The following RAI1 variants were observed in gnomAD, a reference collection of about 807,000 sequenced individuals.
The protein encoded by RAI1 is retinoic acid-induced protein 1.
Under a neutral mutation model 123.8 loss-of-function variants are expected in RAI1, and 9 were observed. That is an observed-to-expected ratio of 0.07 (90% CI 0.04 to 0.13). The LOEUF (loss-of-function observed/expected upper bound fraction) is 0.13. Ranked by LOEUF, RAI1 falls within the 10% of genes least tolerant of loss-of-function variation. The pLI is 1.00. For missense variants in RAI1, 2,256 were observed against 2,545.8 expected, an observed-to-expected ratio of 0.89 and a Z score of 2.45; for synonymous variants, 1,231 against 1,127.3, an observed-to-expected ratio of 1.09 and a Z score of -1.84.
In RAI1 at chr17:17,795,568, C is replaced by T. The variant is rs781136407; in HGVS notation, c.2620C>T (p.Leu874=). Residue 874 remains leucine (L), a synonymous_variant, in exon 3 of 6, where the codon CTA becomes TTA. Coordinates refer to ENST00000353383, the MANE Select transcript of RAI1 (RefSeq NM_030665.4). The surrounding 1 kb of genome is among the most constrained non-coding windows in gnomAD (Gnocchi z 5.9). ...GGAAGCTGAGGAGGAGTACTCCTCC[C>T]TATGTGAGCTCCTGGGCAGCCCCGA... is the stretch of plus-strand genomic sequence containing the variant. The part of the protein sequence containing the change: ...DLEAEEEYSS[L]CELLGSPEQR... 2.5e-6 allele frequency: 4 copies of T among 1,610,660 alleles called. No homozygotes were observed. The South Asian group carries it at 3.3e-5, about 13-fold the overall frequency.
Position 17,794,635 on chromosome 17 carries a change from G to A in RAI1, c.1687G>A (p.Asp563Asn), listed in dbSNP as rs376439421. The A allele has an allele frequency of 7.4e-6, 12 of 1,612,938 alleles. No homozygotes were observed. The highest frequency in any genetic ancestry group is 5.0e-5 in the Admixed American group (3 of 60,002). The change falls in exon 3 of 6, where the codon GAC (aspartate) becomes AAC (asparagine). Residue 563 changes from aspartate (D) to asparagine (N), a missense_variant. Asp to Asn is a conservative substitution (Grantham distance 23). Transcript: ENST00000353383. ...CACCTGTTCTGTGACCTCTCCTGAC[G>A]ACATGTCCACCAAATCTGACGACTC... is the stretch of plus-strand genomic sequence containing the variant. ...VSTCSVTSPDDMSTKSDDSFQ... is the reference protein window; with the variant it reads ...VSTCSVTSPDNMSTKSDDSFQ...
chr17:17,717,655 C>G lies in RAI1; in HGVS notation c.-148-6373C>G, dbSNP rs571183626. Among the ~76,000 whole-genome samples the G allele has an allele frequency of 6.6e-5, 10 of 152,334 alleles. No individual in the cohort carries two copies. In the East Asian group the frequency reaches 1.9e-3, roughly 29 times the overall value. On this transcript the variant is annotated intron_variant, in intron 1 of 5. Transcript: ENST00000353383. ...CAGCTGCCCTGTCCTCTCTTTCCCC[C>G]AGCCAGCCTCCTGCCCCCCACCTGG...
chr17:17,702,172 G>GA (rs981747974), intron 1 of RAI1, among the ~76,000 whole-genome samples: 8 of 152,196 alleles, frequency 5.3e-5, no homozygotes, highest in African/African-American at 1.7e-4. Context: ...CATGAGGGGA[G>GA]AGGGAGTAAG....
At chr17:17,700,479 C>T (rs1445264561) in intron 1 of RAI1, among the ~76,000 whole-genome samples, 5 of 152,060 alleles carry the variant, frequency 3.3e-5, no homozygotes, top group African/African-American at 1.2e-4. Flanking sequence ...TCTTCTCGTT[C>T]TTATGCTAAT....
chr17:17,682,128 C>G (rs1914444043), intron 1 of RAI1, among the ~76,000 whole-genome samples: 1 of 141,790 alleles, frequency 7.1e-6, no homozygotes, highest in South Asian at 2.2e-4. Context: ...TGCGCCGAGG[C>G]GCGGAGTCTT....
At chr17:17,755,468 G>T (rs1368344306) in intron 2 of RAI1, among the ~76,000 whole-genome samples, 1 of 152,160 alleles carries the variant, frequency 6.6e-6, no homozygotes, top group Admixed American at 6.5e-5. Context: ...TCACCAACTT[G>T]CCCCAGCTGG....
chr17:17,737,208 A>AGGAGTT (rs1252686132), intron 2 of RAI1, among the ~76,000 whole-genome samples: 4 of 152,302 alleles, frequency 2.6e-5, no homozygotes, highest in African/African-American at 9.6e-5. Flanking sequence ...TTTCTAGGGA[A>AGGAGTT]GGAGTTTTCT....
chr17:17,753,888 T>G (rs538014030), intron 2 of RAI1, among the ~76,000 whole-genome samples: 1 of 152,348 alleles, frequency 6.6e-6, no homozygotes, highest in South Asian at 2.1e-4. Flanking sequence ...CTTTGGGATT[T>G]GGAAAAAAGT....
Position 17,793,411 on chromosome 17 carries a change from AG to A in RAI1, c.465del (p.Arg155SerfsTer97), listed in dbSNP as rs2032097895. The A allele has an allele frequency of 6.2e-7, 1 of 1,613,232 alleles. No homozygotes were observed. The highest frequency in any genetic ancestry group is 1.3e-5 in the African/African-American group (1 of 74,900). ...GAAAAAGACAGCAGTGCCCCCCAGC[AG>A]GCAGTATGCAGAGCAGGGCGCCCAG... ...LMKKTAVPPS[R>X]QYAEQGAQVP... On this transcript the variant is annotated frameshift_variant, in exon 3 of 6. Coordinates refer to ENST00000353383, the MANE Select transcript of RAI1 (RefSeq NM_030665.4). LOFTEE classifies it high-confidence loss of function.
At chr17:17,715,581 TCCTCTG>T (rs1389612118) in intron 1 of RAI1, among the ~76,000 whole-genome samples, 3 of 152,124 alleles carry the variant, frequency 2.0e-5, no homozygotes, top group African/African-American at 4.8e-5. Context: ...TTGGCGTCTT[TCCTCTG>T]CCTCTGCCTC....
rs557641453 is a variant in RAI1 at position 17,729,857 on chromosome 17, A to G, written c.-17+5698A>G. On this transcript the variant is annotated intron_variant, in intron 2 of 5. Transcript: ENST00000353383. ...TCTCAGCATGAGCCTCTAGGGGGCA[A>G]AGATGCTCACTGGACCCACCTGAGG... is the stretch of plus-strand genomic sequence containing the variant. Among the ~76,000 whole-genome samples, 40 of 152,332 alleles carry G rather than the reference A, an allele frequency of 2.6e-4. 1 individual carries two copies. In the Middle Eastern group the frequency reaches 0.017, roughly 65 times the overall value.
At chr17:17,786,418 G>A (rs1487825825) in intron 2 of RAI1, among the ~76,000 whole-genome samples, 1 of 152,196 alleles carries the variant, frequency 6.6e-6, no homozygotes, top group East Asian at 1.9e-4. Context: ...TGCTCTCATG[G>A]AACTTTTGTT....
Position 17,714,081 on chromosome 17 carries a change from C to T in RAI1, c.-148-9947C>T, listed in dbSNP as rs1347969284. Among the ~76,000 whole-genome samples the T allele has an allele frequency of 6.6e-6, 1 of 152,130 alleles. No individual in the cohort carries two copies. The highest frequency in any genetic ancestry group is 1.5e-5 in the Non-Finnish European group (1 of 68,026). On this transcript the variant is annotated intron_variant, in intron 1 of 5. Transcript: ENST00000353383. The surrounding 1 kb of genome is among the most constrained non-coding windows in gnomAD (Gnocchi z 4.9). ...TGTTCTGCTTGCATGCCTTCAGCCG[C>T]AGGTTGCTCACCACCTCCCGAGCAG...
chr17:17,682,343 CCGGGCAGCGGCCCCGGGGCCTGTGCG>C (rs1914457922), intron 1 of RAI1, among the ~76,000 whole-genome samples: 1 of 150,494 alleles, frequency 6.6e-6, no homozygotes, highest in African/African-American at 2.4e-5. Flanking sequence ...GTGTCCCTAC[CCGGGCAGCGGCCCCGGGGCCTGTGCG>C]CAGGCCCCGA....
At position 17,792,846 on chromosome 17, in the gene RAI1, G is replaced by A. The variant is rs1241578943; in HGVS notation, c.-16-87G>A. The A allele has an allele frequency of 2.7e-5, 30 of 1,106,282 alleles. 1 individual carries two copies. The highest frequency in any genetic ancestry group is 2.9e-4 in the Middle Eastern group (1 of 3,480). The allele number at this position is 1,106,282 out of a possible 1,614,324, so 68.5% of individuals were successfully genotyped here. The stretch of plus-strand genomic sequence containing the variant: ...TTTCTGAGGCAAAAGGAAGTGGCCC[G>A]TCTGAATCGCTCATCCTCTGCCCCC... On this transcript the variant is annotated intron_variant, in intron 2 of 5. Coordinates refer to ENST00000353383, the MANE Select transcript of RAI1 (RefSeq NM_030665.4).
At chr17:17,751,254 C>T (rs767215724) in intron 2 of RAI1, among the ~76,000 whole-genome samples, 1 of 152,098 alleles carries the variant, frequency 6.6e-6, no homozygotes, top group Non-Finnish European at 1.5e-5. Context: ...GACATTTGGT[C>T]GGGCTTTGAA....
intron 2 of RAI1, among the ~76,000 whole-genome samples, chr17:17,749,837 A>G (rs1164534633): frequency 6.6e-6 from 1 of 152,196 alleles, no homozygotes; most frequent in African/African-American, 2.4e-5. Context: ...CACCCAGCAT[A>G]GGGCATGTAG....
At chr17:17,688,835 T>C (rs1914738547) in intron 1 of RAI1, among the ~76,000 whole-genome samples, 1 of 152,108 alleles carries the variant, frequency 6.6e-6, no homozygotes. Context: ...CCTGACCTCA[T>C]GATCCGCCTG....
In RAI1 at chr17:17,681,460, A is replaced by T. The variant is rs1213226500; in HGVS notation, c.-482A>T. The T allele has an allele frequency of 6.0e-6, 1 of 166,966 alleles. No homozygotes were observed. The highest frequency in any genetic ancestry group is 1.7e-4 in the East Asian group (1 of 5,750). 10.3% of individuals were successfully genotyped at this position (166,966 alleles called of 1,614,324 possible). ...GCTCTTCCTGTGCGGAGGGGATCGC[A>T]TTCCTCGCGGCACCCGCGGACACCA... On this transcript the variant is annotated 5_prime_UTR_variant, in exon 1 of 6. Transcript: ENST00000353383.
Sources: gnomAD v4.1 joint callset for allele counts (sites outside exome capture counted in the v4.1 genomes callset) on GRCh38, gnomAD v4.1.1 for gene constraint, Gnocchi (gnomAD v3.1) non-coding constraint, MANE v1.5 for transcripts, NCBI Gene and HGNC (gene_info 2026-07-23, HGNC 2026-07-21) for gene names.